LRMDA: variants seen among roughly 807,000 people sequenced by gnomAD.
The protein encoded by LRMDA is leucine rich melanocyte differentiation associated.
In LRMDA, 18 loss-of-function variants were observed where a neutral mutation model predicts 29.8. That is an observed-to-expected ratio of 0.60 (90% CI 0.42 to 0.90). The LOEUF is 0.90. Among genes scored for constraint, LRMDA ranks in the 40% least tolerant of loss-of-function variants. LRMDA has a pLI of 0.00. For synonymous variants in LRMDA, 125 were observed against 109.4 expected, an observed-to-expected ratio of 1.14 and a Z score of -0.89; for missense variants, 273 against 273.9, an observed-to-expected ratio of 1.00 and a Z score of 0.02.
chr10:75,961,833 C>G (rs1846772208), intron 2 of LRMDA, among the ~76,000 whole-genome samples: 3 of 152,134 alleles, frequency 2.0e-5, no homozygotes, highest in South Asian at 4.2e-4. Flanking sequence ...GCTAGAAGCC[C>G]GAATTCAAGA....
At chr10:76,385,068 A>G (rs1335044376) in intron 6 of LRMDA, among the ~76,000 whole-genome samples, 2 of 152,214 alleles carry the variant, frequency 1.3e-5, no homozygotes, top group Non-Finnish European at 2.9e-5. Flanking sequence ...CAAGAGTATT[A>G]TTAATCTACT....
intron 3 of LRMDA, among the ~76,000 whole-genome samples, chr10:76,038,398 G>A (rs1002031129): frequency 2.0e-5 from 3 of 152,190 alleles, no homozygotes; most frequent in African/African-American, 4.8e-5. Context: ...TAATGCTAAG[G>A]GAGTAATGGT....
intron 2 of LRMDA, among the ~76,000 whole-genome samples, chr10:75,927,007 G>T (rs911428792): frequency 1.1e-4 from 16 of 152,182 alleles, no homozygotes; most frequent in Non-Finnish European, 2.4e-4. Flanking sequence ...AAACCTAAAA[G>T]CTGGAGAGCA....
At chr10:76,535,202 G>A (rs1843277402) in intron 6 of LRMDA, among the ~76,000 whole-genome samples, 1 of 152,138 alleles carries the variant, frequency 6.6e-6, no homozygotes, top group African/African-American at 2.4e-5. Context: ...CAGGCATTTT[G>A]TAATGCAAAT....
intron 6 of LRMDA, among the ~76,000 whole-genome samples, chr10:76,551,406 C>T (rs1354604864): frequency 6.6e-6 from 1 of 152,120 alleles, no homozygotes; most frequent in Non-Finnish European, 1.5e-5. Context: ...ATTTTATGTA[C>T]ATGATTATTT....
chr10:75,926,039 A>C (rs1376947160), intron 2 of LRMDA, among the ~76,000 whole-genome samples: 1 of 152,226 alleles, frequency 6.6e-6, no homozygotes, highest in Non-Finnish European at 1.5e-5. Flanking sequence ...GCAGTCATTG[A>C]ATTAGAATTC....
intron 2 of LRMDA, among the ~76,000 whole-genome samples, chr10:75,591,079 TTAAA>T: frequency 6.6e-6 from 1 of 152,218 alleles, no homozygotes; most frequent in East Asian, 1.9e-4. Context: ...GTTTTGTTTC[TTAAA>T]AGACAATCTG....
At chr10:76,211,952 C>T (rs1285525279) in intron 5 of LRMDA, among the ~76,000 whole-genome samples, 3 of 152,132 alleles carry the variant, frequency 2.0e-5, no homozygotes, top group Non-Finnish European at 2.9e-5. Context: ...GTGGCCGGCT[C>T]AAGTTGCTGT....
intron 6 of LRMDA, among the ~76,000 whole-genome samples, chr10:76,539,644 G>T (rs993484729): frequency 2.0e-5 from 3 of 152,112 alleles, no homozygotes; most frequent in Non-Finnish European, 4.4e-5. Flanking sequence ...TCTCAAGATT[G>T]GAATGTGCCA....
At chr10:75,621,232 A>ACC (rs1554816454) in intron 2 of LRMDA, among the ~76,000 whole-genome samples, 1 of 150,624 alleles carries the variant, frequency 6.6e-6, no homozygotes, top group African/African-American at 2.5e-5. Flanking sequence ...ACACCCACAC[A>ACC]CCCACACACA....
At chr10:75,478,442 T>C (rs970320764) in intron 2 of LRMDA, among the ~76,000 whole-genome samples, 1 of 152,224 alleles carries the variant, frequency 6.6e-6, no homozygotes, top group Non-Finnish European at 1.5e-5. Flanking sequence ...TATTTGATTT[T>C]GCTTGGGTTC....
chr10:75,895,143 C>A (rs1053523247), intron 2 of LRMDA, among the ~76,000 whole-genome samples: 1 of 152,284 alleles, frequency 6.6e-6, no homozygotes, highest in Non-Finnish European at 1.5e-5. Flanking sequence ...CTTTATGTGA[C>A]CTTACTCTCA....
Position 75,755,257 on chromosome 10 carries a change from A to C in LRMDA, c.132-280751A>C, listed in dbSNP as rs566219992. Among the ~76,000 whole-genome samples the C allele has an allele frequency of 5.9e-4, 90 of 152,330 alleles. 1 individual carries two copies. The highest frequency in any genetic ancestry group is 2.9e-3 in the South Asian group (14 of 4,830). On this transcript the variant is annotated intron_variant, in intron 2 of 6. Coordinates refer to ENST00000611255, the MANE Select transcript of LRMDA (RefSeq NM_001305581.2). The stretch of plus-strand genomic sequence containing the variant: ...TAGTTAAATGAAACAGTGAAACACC[A>C]TTAATGTAGGTATGGTCAGCTTATG...
chr10:75,668,771 A>G (rs1346134089), intron 2 of LRMDA, among the ~76,000 whole-genome samples: 1 of 152,172 alleles, frequency 6.6e-6, no homozygotes, highest in Non-Finnish European at 1.5e-5. Flanking sequence ...ACTTTCTTAG[A>G]GCGTTCTTGT....
chr10:76,042,782 C>G (rs547725700), intron 3 of LRMDA, among the ~76,000 whole-genome samples: 2 of 151,950 alleles, frequency 1.3e-5, no homozygotes, highest in Admixed American at 1.3e-4. Flanking sequence ...CATGGTTGAT[C>G]GAAAATTGAT....
In LRMDA at chr10:75,802,969, TA is replaced by T. The variant is rs200378126; in HGVS notation, c.132-233038del. Among the ~76,000 whole-genome samples, 1,086 of 119,830 alleles carry T rather than the reference TA, an allele frequency of 9.1e-3. 4 individuals carry two copies. The highest frequency in any genetic ancestry group is 0.02 in the African/African-American group (531 of 26,410). 78.6% of individuals were successfully genotyped at this position (119,830 alleles called of 152,430 possible). A position where few individuals can be genotyped will look rare whatever the true frequency, so the allele number is the denominator to read the frequency against. On this transcript the variant is annotated intron_variant, in intron 2 of 6. Coordinates refer to ENST00000611255, the MANE Select transcript of LRMDA (RefSeq NM_001305581.2). ...GTGTGTGTGTGTATATATATATATA[TA>T]TATTTTTTTTTTTTTCTTAGCTCCC...
At chr10:76,312,496 A>G (rs1388442620) in intron 5 of LRMDA, among the ~76,000 whole-genome samples, 1 of 152,148 alleles carries the variant, frequency 6.6e-6, no homozygotes. Flanking sequence ...CAAGATTAAA[A>G]AAAACCTCCG....
intron 2 of LRMDA, among the ~76,000 whole-genome samples, chr10:75,643,499 G>C (rs1161070986): frequency 2.0e-5 from 3 of 152,138 alleles, no homozygotes; most frequent in African/African-American, 7.2e-5. Context: ...GCACTCTGTT[G>C]GTGACAGTAA....
intron 6 of LRMDA, among the ~76,000 whole-genome samples, chr10:76,425,761 C>A (rs1264905641): frequency 6.7e-6 from 1 of 149,406 alleles, no homozygotes; most frequent in Non-Finnish European, 1.5e-5. Context: ...CCTCCCTCCA[C>A]CCCACAACGG....
Sources: allele counts gnomAD v4.1 joint callset (sites outside exome capture counted in the v4.1 genomes callset), GRCh38; gene constraint gnomAD v4.1.1; transcripts MANE v1.5; gene names NCBI Gene and HGNC (gene_info 2026-07-23, HGNC 2026-07-21).